The following ATP1A1 variants were observed in gnomAD, a reference collection of about 807,000 sequenced individuals.
ATP1A1 encodes the protein sodium/potassium-transporting ATPase subunit alpha-1.
A neutral mutation model predicts 114.8 loss-of-function variants in ATP1A1; 14 were observed. That is an observed-to-expected ratio of 0.12 (90% CI 0.08 to 0.19). The LOEUF (loss-of-function observed/expected upper bound fraction) is 0.19, where lower values mean the gene tolerates loss of function less well. Ranked by LOEUF, ATP1A1 falls within the 10% of genes least tolerant of loss-of-function variation. The pLI, the probability that ATP1A1 is intolerant of heterozygous loss-of-function variation, is 1.00. For synonymous variants in ATP1A1, 471 were observed against 466.3 expected (o/e 1.01, Z -0.13); for missense variants, 524 against 1,290.7 (o/e 0.41, Z 9.10).
chr1:116,389,950 C>T lies in ATP1A1; in HGVS notation c.1023+243C>T, dbSNP rs1652334441. ...AATTATCACGTGGTCCTGAACAGTG[C>T]AGTGGAGAAAGGAGAAGAACTTGGG... On this transcript the variant is annotated intron_variant, in intron 8 of 22. Transcript: ENST00000295598. This position sits in a 1 kb window ranked among gnomAD's most constrained non-coding sequence, Gnocchi z 6.9. 1 of 680,066 alleles carries T rather than the reference C, an allele frequency of 1.5e-6. No individual in the cohort carries two copies. The highest frequency in any genetic ancestry group is 2.4e-6 in the Non-Finnish European group (1 of 412,016). The allele number at this position is 680,066 out of a possible 1,614,324, so 42.1% of individuals were successfully genotyped here.
rs1652184399 is a variant in ATP1A1 at position 116,387,585 on chromosome 1, T to C, written c.387+94T>C. ...CTTCTTCTCAATTACCACTCATTAC[T>C]TAATGGTTATGAACTCATTACTTAA... On this transcript the variant is annotated intron_variant, in intron 4 of 22. Coordinates refer to ENST00000295598, the MANE Select transcript of ATP1A1 (RefSeq NM_000701.8). This position sits in a 1 kb window ranked among gnomAD's most constrained non-coding sequence, Gnocchi z 6.7. The C allele has an allele frequency of 1.5e-6, 2 of 1,336,306 alleles. No individual in the cohort carries two copies. The highest frequency in any genetic ancestry group is 2.1e-6 in the Non-Finnish European group (2 of 957,504). 82.8% of individuals were successfully genotyped at this position (1,336,306 alleles called of 1,614,324 possible). A position where few individuals can be genotyped will look rare whatever the true frequency, so the allele number is the denominator to read the frequency against.
In ATP1A1 at chr1:116,389,041, T is replaced by C; in HGVS notation, c.754+22T>C. ...GAAGGTAGGCCATTTTTGGGCACTT[T>C]GAGCATGGCGTGGTATTTCTCTTGG... On this transcript the variant is annotated intron_variant, in intron 7 of 22. Transcript: ENST00000295598. This position sits in a 1 kb window ranked among gnomAD's most constrained non-coding sequence, Gnocchi z 6.9. 2 of 1,588,662 alleles carry C rather than the reference T, an allele frequency of 1.3e-6. No homozygotes were observed. Among genetic ancestry groups the C allele is most frequent in the South Asian group, 1.1e-5 (1 of 90,478 alleles).
At chr1:116,390,675 T>C in intron 9 of ATP1A1, 107 bp from the exon 10 acceptor site, 1 of 955,750 alleles carries the variant, frequency 1.0e-6, no homozygotes, top group Non-Finnish European at 1.6e-6. Flanking sequence ...AATTGGGAAA[T>C]GAGATGTATC....
rs758963657 is a variant in ATP1A1, at chr1:116,399,122, G to T, written c.2448+38G>T. The T allele has an allele frequency of 7.4e-6, 12 of 1,611,500 alleles. No homozygotes were observed. Among genetic ancestry groups the T allele is most frequent in the Non-Finnish European group, 1.0e-5 (12 of 1,177,928 alleles). On this transcript the variant is annotated intron_variant, in intron 17 of 22. Coordinates refer to ENST00000295598, the MANE Select transcript of ATP1A1 (RefSeq NM_000701.8). The surrounding 1 kb of genome is among the most constrained non-coding windows in gnomAD (Gnocchi z 5.0). ...ACAGTCACAGATCGATAGTAGTGAG[G>T]TGTGAGCTGTGTCTTCATTCACTGG...
intron 1 of ATP1A1, among the ~76,000 whole-genome samples, chr1:116,375,171 G>T (rs1159503405): frequency 1.3e-5 from 2 of 152,184 alleles, no homozygotes; most frequent in African/African-American, 2.4e-5. Flanking sequence ...ATTTTGGGGG[G>T]TTTAGACATC....
At position 116,387,795 on chromosome 1, in the gene ATP1A1, T is replaced by C. The variant is rs2101043270; in HGVS notation, c.387+304T>C. On this transcript the variant is annotated intron_variant, in intron 4 of 22. Transcript: ENST00000295598. This position sits in a 1 kb window ranked among gnomAD's most constrained non-coding sequence, Gnocchi z 6.7. ...CTGGATGGCAGAGCACAGCGATTCATGTTGGCACATCCACCTGTCCAGAAA... is the reference window on the plus strand; with the variant it reads ...CTGGATGGCAGAGCACAGCGATTCACGTTGGCACATCCACCTGTCCAGAAA... Among the ~76,000 whole-genome samples the C allele has an allele frequency of 6.6e-6, 1 of 152,372 alleles. No homozygotes were observed. The highest frequency in any genetic ancestry group is 2.4e-5 in the African/African-American group (1 of 41,596).
Position 116,390,529 on chromosome 1 carries a change from C to CTTTTTTT in ATP1A1, c.1222+124_1222+125insTTTTTTT, listed in dbSNP as rs1261190970. 62 of 911,738 alleles carry CTTTTTTT rather than the reference C, an allele frequency of 6.8e-5. No individual in the cohort carries two copies. The African/African-American group carries it at 1.3e-3, about 18-fold the overall frequency. The allele number at this position is 911,738 out of a possible 1,614,324, so 56.5% of individuals were successfully genotyped here. ...TTAAGCTCATGGCAGCTTTTTCTTT[C>CTTTTTTT]TTTTTTGTTTTTTTTTTTTTTATCA... On this transcript the variant is annotated intron_variant, in intron 9 of 22. Coordinates refer to ENST00000295598, the MANE Select transcript of ATP1A1 (RefSeq NM_000701.8).
chr1:116,374,338 G>A (rs1651208903), intron 1 of ATP1A1: 2 of 1,537,680 alleles, frequency 1.3e-6, no homozygotes, highest in African/African-American at 1.4e-5. Context: ...GAGGCGTGCA[G>A]ATTTTTTTTG....
intron 1 of ATP1A1, chr1:116,373,944 C>T: frequency 7.4e-7 from 1 of 1,344,418 alleles, no homozygotes; most frequent in Non-Finnish European, 9.5e-7. Context: ...TCACCTCCTT[C>T]TCCTTCCTTT....
intron 21 of ATP1A1, among the ~76,000 whole-genome samples, chr1:116,402,677 C>G (rs908188994): frequency 6.6e-6 from 1 of 152,232 alleles, no homozygotes; most frequent in South Asian, 2.1e-4. Flanking sequence ...CTTTCTTCCT[C>G]TGCCTTTGTG....
chr1:116,395,038 G>A lies in ATP1A1; in HGVS notation c.1661-72G>A. The A allele has an allele frequency of 1.3e-6, 2 of 1,493,042 alleles. No homozygotes were observed. The highest frequency in any genetic ancestry group is 1.8e-6 in the Non-Finnish European group (2 of 1,102,524). The allele number at this position is 1,493,042 out of a possible 1,614,324, so 92.5% of individuals were successfully genotyped here. A position where few individuals can be genotyped will look rare whatever the true frequency, so the allele number is the denominator to read the frequency against. On this transcript the variant is annotated intron_variant, in intron 12 of 22. Transcript: ENST00000295598. This position sits in a 1 kb window ranked among gnomAD's most constrained non-coding sequence, Gnocchi z 6.4. Reference sequence around the variant, plus strand: ...CACTCCAGAGAAAGGTAGGCGGGCTGAATAGGCTGCTGTTGTCCTTCTTAC... The same window carrying A: ...CACTCCAGAGAAAGGTAGGCGGGCTAAATAGGCTGCTGTTGTCCTTCTTAC...
chr1:116,390,107 A>C, intron 8 of ATP1A1, 106 bp from the exon 9 acceptor site: 1 of 1,163,402 alleles, frequency 8.6e-7, no homozygotes, highest in Non-Finnish European at 1.2e-6. Context: ...AGAAGGTTGG[A>C]GAGATTTAAT....
At chr1:116,375,429 T>G (rs567285700) in intron 1 of ATP1A1, among the ~76,000 whole-genome samples, 25 of 152,368 alleles carry the variant, frequency 1.6e-4, no homozygotes, top group Non-Finnish European at 3.4e-4. Flanking sequence ...TTTATCTAGA[T>G]GTCTCCTTTA....
In ATP1A1 at chr1:116,389,357, A is replaced by G. The variant is rs1652295870; in HGVS notation, c.755-82A>G. On this transcript the variant is annotated intron_variant, in intron 7 of 22. Coordinates refer to ENST00000295598, the MANE Select transcript of ATP1A1 (RefSeq NM_000701.8). The surrounding 1 kb of genome is among the most constrained non-coding windows in gnomAD (Gnocchi z 6.9). ...ATCAACTCTTTTTGTTTTTTTAGTC[A>G]TCCTATGTAATTGTGTAAAATCCGT... The G allele has an allele frequency of 6.5e-7, 1 of 1,536,936 alleles. No homozygotes were observed. The highest frequency in any genetic ancestry group is 1.4e-5 in the African/African-American group (1 of 72,126).
chr1:116,386,256 C>T (rs1208565587), intron 3 of ATP1A1: 2 of 151,328 alleles, frequency 1.3e-5, no homozygotes, highest in African/African-American at 4.8e-5. Context: ...CCAACAGTGA[C>T]TCTGTGCTTA....
At position 116,401,775 on chromosome 1, in the gene ATP1A1, A is replaced by G; in HGVS notation, c.2951+120A>G. On this transcript the variant is annotated intron_variant, in intron 21 of 22. Transcript: ENST00000295598. The surrounding 1 kb of genome is among the most constrained non-coding windows in gnomAD (Gnocchi z 4.7). ...TTGAGTGGTATGTACAAAAATTCCT[A>G]TGGGTTGGAAAACTGTGAAAGCTTG... The G allele has an allele frequency of 1.0e-6, 1 of 984,486 alleles. No homozygotes were observed. The highest frequency in any genetic ancestry group is 1.5e-5 in the South Asian group (1 of 66,478). 61.0% of individuals were successfully genotyped at this position (984,486 alleles called of 1,614,324 possible).
In ATP1A1 at chr1:116,399,771, T is replaced by G. The variant is rs909172530; in HGVS notation, c.2572+228T>G. 1.3e-5 allele frequency among the ~76,000 whole-genome samples: 2 copies of G among 152,230 alleles called. No individual in the cohort carries two copies. The highest frequency in any genetic ancestry group is 2.9e-5 in the Non-Finnish European group (2 of 68,044). ...TTTTGTGGAAACTGGTTTTCTATAC[T>G]GAGCACCTTGGAACTGGGCTCAACT... On this transcript the variant is annotated intron_variant, in intron 18 of 22. Transcript: ENST00000295598. The surrounding 1 kb of genome is among the most constrained non-coding windows in gnomAD (Gnocchi z 5.0).
In ATP1A1 at chr1:116,389,782, A is replaced by G; in HGVS notation, c.1023+75A>G. The G allele has an allele frequency of 2.5e-5, 39 of 1,567,936 alleles. No individual in the cohort carries two copies. Among genetic ancestry groups the G allele is most frequent in the Non-Finnish European group, 3.4e-5 (39 of 1,150,610 alleles). On this transcript the variant is annotated intron_variant, in intron 8 of 22. Coordinates refer to ENST00000295598, the MANE Select transcript of ATP1A1 (RefSeq NM_000701.8). The surrounding 1 kb of genome is among the most constrained non-coding windows in gnomAD (Gnocchi z 6.9). ...TTACACTCTTCCGCTATCCTATTCT[A>G]AGGTATTGCCAACTTATGTTTTATT...
chr1:116,382,538 T>C (rs1438674463), intron 1 of ATP1A1: 3 of 152,272 alleles, frequency 2.0e-5, no homozygotes, highest in South Asian at 4.1e-4. Context: ...ACCCACCCAG[T>C]TGGAAGAAGT....
Sources: allele counts gnomAD v4.1 joint callset (sites outside exome capture counted in the v4.1 genomes callset), GRCh38; gene constraint gnomAD v4.1.1; non-coding constraint Gnocchi (gnomAD v3.1); transcripts MANE v1.5; gene names NCBI Gene and HGNC (gene_info 2026-07-23, HGNC 2026-07-21).